Variants in THSD7B observed in about 807,000 individuals in gnomAD.
THSD7B encodes the protein thrombospondin type-1 domain-containing protein 7B.
A neutral mutation model predicts 213.6 loss-of-function variants in THSD7B; 138 were observed. The ratio of observed to expected loss-of-function variants is 0.65; its 90% CI spans 0.56 to 0.74. The LOEUF (loss-of-function observed/expected upper bound fraction) is 0.74. THSD7B is among the 30% of genes least tolerant of loss of function. The pLI is 0.00. For missense variants in THSD7B, 1,931 were observed against 1,991.5 expected, an observed-to-expected ratio of 0.97 and a Z score of 0.58; for synonymous variants, 742 against 687.0, an observed-to-expected ratio of 1.08 and a Z score of -1.25.
intron 7 of THSD7B, among the ~76,000 whole-genome samples, chr2:137,211,331 T>TACACACACACACACAC (rs1224147467): frequency 4.8e-4 from 3 of 6,288 alleles, no homozygotes; most frequent in African/African-American, 1.0e-3. Flanking sequence ...CTATCCTTCC[T>TACACACACACACACAC]ACACACACAC....
chr2:137,283,179 C>G (rs552857728), intron 12 of THSD7B, among the ~76,000 whole-genome samples: 38 of 152,062 alleles, frequency 2.5e-4, no homozygotes, highest in East Asian at 5.8e-4. Context: ...TTGTGAATGG[C>G]AGTTCACTCA....
chr2:137,524,802 TC>T (rs905988715), intron 15 of THSD7B, among the ~76,000 whole-genome samples: 9 of 152,182 alleles, frequency 5.9e-5, no homozygotes, highest in African/African-American at 2.2e-4. Context: ...CCAGCTGTTC[TC>T]CCTGTGATTG....
chr2:137,121,516 G>T (rs1688546766), intron 5 of THSD7B, among the ~76,000 whole-genome samples: 1 of 152,158 alleles, frequency 6.6e-6, no homozygotes, highest in Non-Finnish European at 1.5e-5. Context: ...TCGTGGAGAA[G>T]GGAGATTATG....
chr2:137,408,474 C>A lies in THSD7B; in HGVS notation c.2695+2667C>A, dbSNP rs369225913. 3.9e-5 allele frequency among the ~76,000 whole-genome samples: 6 copies of A among 152,194 alleles called. No individual in the cohort carries two copies. In the East Asian group the frequency reaches 1.2e-3, roughly 29 times the overall value. On this transcript the variant is annotated intron_variant, in intron 13 of 27. Coordinates refer to ENST00000409968, the MANE Select transcript of THSD7B (RefSeq NM_001316349.2). ...CACGATCCTAACTTAACAGAGCTTG[C>A]GATCTAATTGGAGATACGGTGAGAT...
intron 7 of THSD7B, among the ~76,000 whole-genome samples, chr2:137,186,931 T>C (rs1034053870): frequency 1.3e-5 from 2 of 152,160 alleles, no homozygotes; most frequent in Non-Finnish European, 2.9e-5. Flanking sequence ...ACCTCCTTGG[T>C]AAGAAGTTTT....
intron 12 of THSD7B, among the ~76,000 whole-genome samples, chr2:137,334,560 C>T (rs1684594411): frequency 6.6e-6 from 1 of 152,116 alleles, no homozygotes; most frequent in South Asian, 2.1e-4. Context: ...CTCCATTTCT[C>T]CCCATTCCTC....
At chr2:137,265,924 A>C (rs2105087927) in intron 10 of THSD7B, among the ~76,000 whole-genome samples, 1 of 152,332 alleles carries the variant, frequency 6.6e-6, no homozygotes, top group Admixed American at 6.5e-5. Context: ...CTCTCCAATA[A>C]TATGAGAACA....
At chr2:137,375,012 G>T (rs957519148) in intron 12 of THSD7B, among the ~76,000 whole-genome samples, 1 of 152,178 alleles carries the variant, frequency 6.6e-6, no homozygotes, top group Non-Finnish European at 1.5e-5. Context: ...TTCCACTTGG[G>T]TGCTATGAAG....
At chr2:137,013,699 T>C (rs1165190053) in intron 2 of THSD7B, among the ~76,000 whole-genome samples, 3 of 152,078 alleles carry the variant, frequency 2.0e-5, no homozygotes, top group African/African-American at 7.2e-5. Flanking sequence ...CCCTGATCCT[T>C]CTTTAAAACC....
intron 9 of THSD7B, among the ~76,000 whole-genome samples, chr2:137,242,148 A>G (rs1681921848): frequency 2.0e-5 from 3 of 152,224 alleles, no homozygotes; most frequent in Admixed American, 2.0e-4. Flanking sequence ...TGAAAAAGAT[A>G]AAATTAGTTG....
intron 2 of THSD7B, among the ~76,000 whole-genome samples, chr2:136,891,534 G>A (rs1483727238): frequency 3.3e-5 from 5 of 152,188 alleles, no homozygotes; most frequent in Non-Finnish European, 5.9e-5. Flanking sequence ...AAATACAGTG[G>A]TTTAAAAAGA....
intron 17 of THSD7B, among the ~76,000 whole-genome samples, chr2:137,585,572 A>G (rs1477926232): frequency 6.6e-6 from 1 of 151,988 alleles, no homozygotes; most frequent in Non-Finnish European, 1.5e-5. Flanking sequence ...GAACATCTTT[A>G]TTTCTGCCTT....
intron 12 of THSD7B, among the ~76,000 whole-genome samples, chr2:137,349,174 G>T (rs533647652): frequency 6.6e-6 from 1 of 151,596 alleles, no homozygotes; most frequent in Admixed American, 6.6e-5. Flanking sequence ...AGAATCATCC[G>T]TTCAAGTCTA....
chr2:136,908,577 G>T (rs1684206400), intron 2 of THSD7B, among the ~76,000 whole-genome samples: 1 of 152,122 alleles, frequency 6.6e-6, no homozygotes, highest in Non-Finnish European at 1.5e-5. Flanking sequence ...TCTTCCCTGG[G>T]GAGCCATATG....
chr2:137,483,542 C>A (rs1056789638), intron 15 of THSD7B, among the ~76,000 whole-genome samples: 17 of 152,242 alleles, frequency 1.1e-4, no homozygotes, highest in Non-Finnish European at 2.4e-4. Flanking sequence ...GGCACTTACA[C>A]AGCACCTACT....
chr2:136,908,595 A>G (rs1684206852), intron 2 of THSD7B, among the ~76,000 whole-genome samples: 1 of 152,208 alleles, frequency 6.6e-6, no homozygotes, highest in African/African-American at 2.4e-5. Context: ...ATGTCTGTAC[A>G]TCAGCCATCT....
At chr2:136,941,190 C>T (rs910711252) in intron 2 of THSD7B, among the ~76,000 whole-genome samples, 5 of 152,082 alleles carry the variant, frequency 3.3e-5, no homozygotes, top group Non-Finnish European at 7.4e-5. Flanking sequence ...TGAACTCATC[C>T]TTTTTTATGG....
chr2:137,298,023 G>A (rs1683508390), intron 12 of THSD7B, among the ~76,000 whole-genome samples: 2 of 152,072 alleles, frequency 1.3e-5, no homozygotes, highest in African/African-American at 4.8e-5. Flanking sequence ...GGCAGAAGTT[G>A]GAACAATTTG....
chr2:137,585,441 T>C (rs182953862), intron 17 of THSD7B, among the ~76,000 whole-genome samples: 28 of 152,332 alleles, frequency 1.8e-4, no homozygotes, highest in African/African-American at 6.3e-4. Context: ...AGGGTGTCAA[T>C]TTTAGATCTT....
Sources: allele counts gnomAD v4.1 joint callset (sites outside exome capture counted in the v4.1 genomes callset), GRCh38; gene constraint gnomAD v4.1.1; transcripts MANE v1.5; gene names NCBI Gene and HGNC (gene_info 2026-07-23, HGNC 2026-07-21).